The following MAMLD1 variants were observed in gnomAD, a reference collection of about 807,000 sequenced individuals.
The protein encoded by MAMLD1 is mastermind like domain containing 1.
Under a neutral mutation model 45.0 loss-of-function variants are expected in MAMLD1, and 14 were observed. That is an observed-to-expected ratio of 0.31 (90% CI 0.21 to 0.49). The LOEUF (loss-of-function observed/expected upper bound fraction) is 0.49, where lower values mean the gene tolerates loss of function less well. Among genes scored for constraint, MAMLD1 ranks in the 20% least tolerant of loss-of-function variants. The pLI is 0.99. For missense variants in MAMLD1, 543 were observed against 603.6 expected, an observed-to-expected ratio of 0.90 and a Z score of 1.05; for synonymous variants, 254 against 247.8, an observed-to-expected ratio of 1.02 and a Z score of -0.24.
intron 1 of MAMLD1, among the ~76,000 whole-genome samples, chrX:150,383,193 C>T (rs1330999795): frequency 9.6e-5 from 3 of 31,174 alleles, no homozygotes; most frequent in Admixed American, 4.2e-4. Flanking sequence ...CGTGAGCCAC[C>T]GCGCCCGGCC....
chrX:150,505,226 G>A (rs1177280076), intron 6 of MAMLD1: 4 of 201,755 alleles, frequency 2.0e-5, no homozygotes, highest in Non-Finnish European at 3.0e-5. Flanking sequence ...GAGGTCTCTA[G>A]AAGGGCAAGG....
chrX:150,385,631 T>C (rs1200414226), intron 1 of MAMLD1, among the ~76,000 whole-genome samples: 5 of 111,058 alleles, frequency 4.5e-5, no homozygotes, highest in African/African-American at 1.6e-4. Flanking sequence ...TTGAGTAGAC[T>C]GAGGAGAAGG....
chrX:150,470,389 G>T lies in MAMLD1; in HGVS notation c.816G>T (p.Val272=). ...TTCCTTCCACCAGTAAGCAGATAGT[G>T]TCACCGAGTTCTTCAATGGCACAGT... ...YSIPSTSKQI[V]SPSSSMAQSK... The change falls in exon 4 of 8, where the codon GTG becomes GTT. Residue 272 remains valine, a synonymous_variant. Transcript: ENST00000370401. 8.3e-7 allele frequency: 1 copy of T among 1,211,441 alleles called. No individual in the cohort carries two copies. Among genetic ancestry groups the T allele is most frequent in the South Asian group, 1.8e-5 (1 of 56,932 alleles).
intron 1 of MAMLD1, among the ~76,000 whole-genome samples, chrX:150,385,507 AAGTT>A (rs1343242903): frequency 1.2e-4 from 14 of 112,445 alleles, no homozygotes; most frequent in Admixed American, 4.7e-4. Flanking sequence ...ACAATTAAGT[AAGTT>A]AGAGAAAAGA....
chrX:150,454,658 T>A (rs2035781986), intron 2 of MAMLD1, among the ~76,000 whole-genome samples: 1 of 110,725 alleles, frequency 9.0e-6, no homozygotes, highest in Admixed American at 9.6e-5. Context: ...GTTGACAGAG[T>A]GGTACAACAA....
rs985775878 is a variant in MAMLD1, at chrX:150,416,041, T to C, written c.-63-29413T>C. On this transcript the variant is annotated intron_variant, in intron 1 of 7. Coordinates refer to ENST00000370401, the MANE Select transcript of MAMLD1 (RefSeq NM_005491.5). ...AGAATGGAATAAGCCTGAAACCAGA[T>C]GTTGGTCGTTTTCCTGGAACTTCCT... is the stretch of plus-strand genomic sequence containing the variant. 2.4e-4 allele frequency among the ~76,000 whole-genome samples: 27 copies of C among 111,803 alleles called. No individual in the cohort carries two copies. The Admixed American group carries it at 2.5e-3, about 10-fold the overall frequency.
chrX:150,411,195 C>T (rs1450934861), intron 1 of MAMLD1, among the ~76,000 whole-genome samples: 1 of 111,871 alleles, frequency 8.9e-6, no homozygotes, highest in African/African-American at 3.3e-5. Flanking sequence ...AGCACCTTCA[C>T]TCTGGAAGGA....
chrX:150,505,377 T>C (rs912630420), intron 6 of MAMLD1, among the ~76,000 whole-genome samples: 4 of 112,197 alleles, frequency 3.6e-5, no homozygotes, highest in African/African-American at 1.3e-4. Flanking sequence ...ATTATCTGCT[T>C]TGATTGATTT....
chrX:150,395,764 G>A (rs782533033), intron 1 of MAMLD1, among the ~76,000 whole-genome samples: 8 of 110,262 alleles, frequency 7.3e-5, no homozygotes, highest in African/African-American at 2.3e-4. Context: ...AATGTCCATG[G>A]GGTCTGTAAT....
intron 1 of MAMLD1, among the ~76,000 whole-genome samples, chrX:150,397,937 C>T (rs1395785340): frequency 9.0e-6 from 1 of 110,672 alleles, no homozygotes; most frequent in Non-Finnish European, 1.9e-5. Context: ...ACATATATTT[C>T]CAGGGACAGG....
chrX:150,477,014 C>G (rs1468849603), intron 5 of MAMLD1, among the ~76,000 whole-genome samples: 1 of 113,102 alleles, frequency 8.8e-6, no homozygotes, highest in Admixed American at 9.2e-5. Context: ...TTCCAGCACC[C>G]AGGGCCTGAA....
intron 1 of MAMLD1, among the ~76,000 whole-genome samples, chrX:150,399,123 G>A (rs1191005303): frequency 8.9e-6 from 1 of 112,112 alleles, no homozygotes; most frequent in Non-Finnish European, 1.9e-5. Flanking sequence ...ACCACAGTAT[G>A]GAGGACAAAT....
chrX:150,413,823 G>A (rs1260044698), intron 1 of MAMLD1, among the ~76,000 whole-genome samples: 1 of 109,809 alleles, frequency 9.1e-6, no homozygotes, highest in Non-Finnish European at 1.9e-5. Context: ...TCATAGAATA[G>A]GAGAATGATC....
At chrX:150,468,420 T>A (rs1158004170) in intron 3 of MAMLD1, among the ~76,000 whole-genome samples, 1 of 110,447 alleles carries the variant, frequency 9.1e-6, no homozygotes, top group African/African-American at 3.3e-5. Flanking sequence ...TGGAAAGGGG[T>A]TATTTGGGGG....
At chrX:150,423,387 T>TGCGTGC (rs1557403657) in intron 1 of MAMLD1, among the ~76,000 whole-genome samples, 39 of 103,694 alleles carry the variant, frequency 3.8e-4, no homozygotes, top group African/African-American at 1.3e-3. Context: ...TGTGTGTGTT[T>TGCGTGC]GCACCTTTGG....
intron 1 of MAMLD1, among the ~76,000 whole-genome samples, chrX:150,438,024 C>T (rs2035176916): frequency 9.0e-6 from 1 of 110,694 alleles, no homozygotes; most frequent in Non-Finnish European, 1.9e-5. Flanking sequence ...TCATCCAGGC[C>T]GTTGCTTGTA....
chrX:150,505,692 C>T (rs1557408788), intron 6 of MAMLD1, among the ~76,000 whole-genome samples: 1 of 112,478 alleles, frequency 8.9e-6, no homozygotes, highest in South Asian at 3.7e-4. Flanking sequence ...GTGCTCATTA[C>T]TCCCAGTGGT....
chrX:150,486,505 G>A (rs1440221273), intron 5 of MAMLD1, among the ~76,000 whole-genome samples: 1 of 111,796 alleles, frequency 8.9e-6, no homozygotes, highest in Non-Finnish European at 1.9e-5. Context: ...ATGAAAATGG[G>A]GAAAGGTGTC....
At chrX:150,368,571 T>C (rs1396559401) in intron 1 of MAMLD1, among the ~76,000 whole-genome samples, 1 of 111,382 alleles carries the variant, frequency 9.0e-6, no homozygotes, top group African/African-American at 3.3e-5. Flanking sequence ...TTTAATTAGA[T>C]CCCATTTGTC....
Sources: allele counts gnomAD v4.1 joint callset (sites outside exome capture counted in the v4.1 genomes callset), GRCh38; gene constraint gnomAD v4.1.1; transcripts MANE v1.5; gene names NCBI Gene and HGNC (gene_info 2026-07-23, HGNC 2026-07-21).